ZNF774: variants seen among roughly 807,000 people sequenced by gnomAD.
ZNF774 encodes the protein zinc finger protein 774.
A neutral mutation model predicts 11.1 loss-of-function variants in ZNF774; 14 were observed. The ratio of observed to expected loss-of-function variants is 1.26; its 90% CI spans 0.83 to 1.97. ZNF774 has a LOEUF of 1.97. ZNF774 is among the 30% of genes most tolerant of loss of function. The pLI, the probability that ZNF774 is intolerant of heterozygous loss-of-function variation, is 0.00. For missense variants in ZNF774, 599 were observed against 587.0 expected, an observed-to-expected ratio of 1.02 and a Z score of -0.21; for synonymous variants, 195 against 212.6, an observed-to-expected ratio of 0.92 and a Z score of 0.72.
At position 90,361,611 on chromosome 15, in the gene ZNF774, A is replaced by G; in HGVS notation, c.*328A>G. 1 of 840,304 alleles carries G rather than the reference A, an allele frequency of 1.2e-6. No homozygotes were observed. The highest frequency in any genetic ancestry group is 4.4e-5 in the South Asian group (1 of 22,534). 52.1% of individuals were successfully genotyped at this position (840,304 alleles called of 1,614,324 possible). ...GTGGATCACTTGAGGTCAGGAGTTG[A>G]GACCAGCCTGGTGAGCATGGTGAAA... is the stretch of plus-strand genomic sequence containing the variant. On this transcript the variant is annotated 3_prime_UTR_variant, in exon 4 of 4. Transcript: ENST00000354377.
chr15:90,362,741 C>A lies in ZNF774; in HGVS notation c.*1458C>A. 13 of 560,382 alleles carry A rather than the reference C, an allele frequency of 2.3e-5. No individual in the cohort carries two copies. Among genetic ancestry groups the A allele is most frequent in the Non-Finnish European group, 3.2e-5 (10 of 317,278 alleles). The allele number at this position is 560,382 out of a possible 1,614,324, so 34.7% of individuals were successfully genotyped here. A position where few individuals can be genotyped will look rare whatever the true frequency, so the allele number is the denominator to read the frequency against. ...TACCTCACAAGGTTGTTGTGAGGAT[C>A]TAAAAATACACACACACACACACAC... On this transcript the variant is annotated 3_prime_UTR_variant, in exon 4 of 4. Transcript: ENST00000354377.
In ZNF774 at chr15:90,360,088, C is replaced by T. The variant is rs116083162; in HGVS notation, c.257C>T (p.Thr86Ile). 340 of 1,613,988 alleles carry T rather than the reference C, an allele frequency of 2.1e-4. 4 individuals are homozygous for T. The African/African-American group carries it at 4.1e-3, about 19-fold the overall frequency. ...AAGCTCAATCAGGACAATTCTGAAA[C>T]AGCAGAACAATGTGGAACATCCTCA... ...VAKLNQDNSE[T>I]AEQCGTSSER... Residue 86 changes from threonine (T) to isoleucine (I), a missense_variant, in exon 4 of 4, where the codon ACA (threonine) becomes ATA (isoleucine). Physicochemically the swap from Thr to Ile is moderately conservative, Grantham distance 89 (BLOSUM62 -1). Coordinates refer to ENST00000354377, the MANE Select transcript of ZNF774 (RefSeq NM_001004309.3).
Position 90,359,347 on chromosome 15 carries a change from C to T in ZNF774, c.211+390C>T, listed in dbSNP as rs57614591. On this transcript the variant is annotated intron_variant, in intron 3 of 3. Coordinates refer to ENST00000354377, the MANE Select transcript of ZNF774 (RefSeq NM_001004309.3). Reference sequence around the variant, plus strand: ...TCGGCCTCCCAAAGTGCTGGGATTACAGGCGTGAGCCACCGCGCCCGGCCA... The same window carrying T: ...TCGGCCTCCCAAAGTGCTGGGATTATAGGCGTGAGCCACCGCGCCCGGCCA... 5.0e-3 allele frequency among the ~76,000 whole-genome samples: 755 copies of T among 151,654 alleles called. 9 individuals are homozygous for T. The highest frequency in any genetic ancestry group is 0.018 in the African/African-American group (734 of 41,310).
chr15:90,362,726 G>A lies in ZNF774; in HGVS notation c.*1443G>A. 1 of 631,596 alleles carries A rather than the reference G, an allele frequency of 1.6e-6. No individual in the cohort carries two copies. Among genetic ancestry groups the A allele is most frequent in the Non-Finnish European group, 2.8e-6 (1 of 357,188 alleles). The allele number at this position is 631,596 out of a possible 1,614,324, so 39.1% of individuals were successfully genotyped here. On this transcript the variant is annotated 3_prime_UTR_variant, in exon 4 of 4. Transcript: ENST00000354377. Reference sequence around the variant, plus strand: ...GCCTCAAGTTTTACCTACCTCACAAGGTTGTTGTGAGGATCTAAAAATACA... The same window carrying A: ...GCCTCAAGTTTTACCTACCTCACAAAGTTGTTGTGAGGATCTAAAAATACA...
chr15:90,357,143 T>G (rs1964259768), intron 2 of ZNF774, among the ~76,000 whole-genome samples: 1 of 152,228 alleles, frequency 6.6e-6, no homozygotes, highest in African/African-American at 2.4e-5. Context: ...TCAATTGATT[T>G]ATTCCCACAA....
rs370766220 is a variant in ZNF774, at chr15:90,361,013, A to T, written c.1182A>T (p.Gln394His). The T allele has an allele frequency of 1.9e-6, 3 of 1,614,008 alleles. No individual in the cohort carries two copies. The highest frequency in any genetic ancestry group is 1.1e-5 in the South Asian group (1 of 91,080). Residue 394 changes from glutamine (Q) to histidine (H), a missense_variant, in exon 4 of 4, where the codon CAA becomes CAT. Transcript: ENST00000354377. ...ACAGCTCCGCCCTCATTAAGCACCAACGAATCCACACCGGAGAAAGACCCT... is the reference window on the plus strand; with the variant it reads ...ACAGCTCCGCCCTCATTAAGCACCATCGAATCCACACCGGAGAAAGACCCT... ...FADSSALIKH[Q>H]RIHTGERPYK...
At chr15:90,354,155 T>C (rs1452198062) in intron 1 of ZNF774, among the ~76,000 whole-genome samples, 2 of 151,238 alleles carry the variant, frequency 1.3e-5, no homozygotes, top group Non-Finnish European at 3.0e-5. Context: ...ACAGTTCCCT[T>C]TGGGGTTCTG....
chr15:90,355,857 C>T (rs538430413), intron 2 of ZNF774, among the ~76,000 whole-genome samples: 69 of 151,148 alleles, frequency 4.6e-4, no homozygotes, highest in African/African-American at 1.6e-3. Context: ...GGTGAAACCC[C>T]GTCTTACTAA....
In ZNF774 at chr15:90,361,225, A is replaced by G. The variant is rs1455516852; in HGVS notation, c.1394A>G (p.Asn465Ser). Reference protein sequence around the residue: ...GEKPFHCSKCNKSFRQKAHLL... With the variant: ...GEKPFHCSKCSKSFRQKAHLL... ...AAACCTTTCCACTGTAGTAAATGTA[A>G]CAAGAGCTTCCGTCAGAAAGCGCAT... The change falls in exon 4 of 4, where the codon AAC (asparagine) becomes AGC (serine). Residue 465 changes from asparagine (N) to serine (S), a missense_variant. Physicochemically the swap from Asn to Ser is conservative, Grantham distance 46 (BLOSUM62 1). Transcript: ENST00000354377. 8 of 1,612,028 alleles carry G rather than the reference A, an allele frequency of 5.0e-6. No homozygotes were observed. The highest frequency in any genetic ancestry group is 6.8e-6 in the Non-Finnish European group (8 of 1,179,168).
At chr15:90,356,779 G>A (rs1184606848) in intron 2 of ZNF774, among the ~76,000 whole-genome samples, 1 of 152,002 alleles carries the variant, frequency 6.6e-6, no homozygotes, top group Non-Finnish European at 1.5e-5. Context: ...ATATTATTTT[G>A]TTGATGAAGT....
intron 1 of ZNF774, among the ~76,000 whole-genome samples, chr15:90,352,973 C>CT (rs11431247): frequency 0.27 from 39,382 of 146,466 alleles, 5,762 homozygotes; most frequent in African/African-American, 0.41. Context: ...ACTCAAAACT[C>CT]TTTTTTTTTT....
At chr15:90,357,772 A>G (rs1270162635) in intron 2 of ZNF774, among the ~76,000 whole-genome samples, 2 of 152,126 alleles carry the variant, frequency 1.3e-5, no homozygotes, top group Non-Finnish European at 2.9e-5. Context: ...GGATTTCTCC[A>G]TGTTGGACAG....
chr15:90,360,989 C>A lies in ZNF774; in HGVS notation c.1158C>A (p.Asp386Glu). The change falls in exon 4 of 4, where the codon GAC becomes GAA. Residue 386 changes from aspartate to glutamate, a missense_variant. Asp to Glu is a conservative substitution (Grantham distance 45). Transcript: ENST00000354377. ...KCENCGKGFA[D>E]SSALIKHQRI... ...AAAACTGTGGGAAAGGATTCGCCGA[C>A]AGCTCCGCCCTCATTAAGCACCAAC... 6.2e-7 allele frequency: 1 copy of A among 1,614,120 alleles called. No homozygotes were observed. The highest frequency in any genetic ancestry group is 8.5e-7 in the Non-Finnish European group (1 of 1,180,020).
Position 90,360,683 on chromosome 15 carries a change from C to T in ZNF774, c.852C>T (p.Thr284=). The T allele has an allele frequency of 6.2e-7, 1 of 1,614,170 alleles. No individual in the cohort carries two copies. The highest frequency in any genetic ancestry group is 1.7e-4 in the Middle Eastern group (1 of 6,060). The change falls in exon 4 of 4, where the codon ACC becomes ACT. Residue 284 remains threonine, a synonymous_variant. Coordinates refer to ENST00000354377, the MANE Select transcript of ZNF774 (RefSeq NM_001004309.3). ...RSSNFITHQR[T]HTGVKPYRCN... is the part of the protein sequence containing the mutation. ...CAAATTTCATCACTCACCAGAGGACCCACACAGGGGTGAAGCCTTACAGGT... is the reference window on the plus strand; with the variant it reads ...CAAATTTCATCACTCACCAGAGGACTCACACAGGGGTGAAGCCTTACAGGT...
At chr15:90,359,603 C>T (rs1014321420) in intron 3 of ZNF774, among the ~76,000 whole-genome samples, 5 of 151,966 alleles carry the variant, frequency 3.3e-5, no homozygotes, top group Non-Finnish European at 5.9e-5. Context: ...TATAGGCACC[C>T]GCCACCACGC....
Position 90,360,479 on chromosome 15 carries a change from C to G in ZNF774, c.648C>G (p.Phe216Leu), listed in dbSNP as rs1424609751. Residue 216 changes from phenylalanine to leucine, a missense_variant, in exon 4 of 4, where the codon TTC (phenylalanine) becomes TTG (leucine). Transcript: ENST00000354377. ...PYQCKGCEKK[F>L]SDSSTLIKHQ... The stretch of plus-strand genomic sequence containing the variant: ...AATGCAAGGGGTGTGAGAAGAAATT[C>G]AGCGACAGCTCAACACTCATCAAAC... The G allele has an allele frequency of 6.2e-7, 1 of 1,613,714 alleles. No homozygotes were observed. The highest frequency in any genetic ancestry group is 8.5e-7 in the Non-Finnish European group (1 of 1,180,032).
chr15:90,355,757 G>A (rs1404476104), intron 2 of ZNF774, among the ~76,000 whole-genome samples: 31 of 145,080 alleles, frequency 2.1e-4, no homozygotes, highest in Non-Finnish European at 3.9e-4. Context: ...AAGGCTGGGC[G>A]CGGTGGCTCA....
At position 90,361,115 on chromosome 15, in the gene ZNF774, C is replaced by CA; in HGVS notation, c.1285dup (p.Arg429LysfsTer7). ...CCCATCAGCGAATCCACTTAGGAGA[C>CA]AGGCCCTATCGATGTCCTGAGTGTG... On this transcript the variant is annotated frameshift_variant, in exon 4 of 4. Coordinates refer to ENST00000354377, the MANE Select transcript of ZNF774 (RefSeq NM_001004309.3). LOFTEE classifies it low-confidence loss of function (END_TRUNC). 6.2e-7 allele frequency: 1 copy of CA among 1,614,196 alleles called. No homozygotes were observed. The highest frequency in any genetic ancestry group is 8.5e-7 in the Non-Finnish European group (1 of 1,180,030).
Position 90,361,032 on chromosome 15 carries a change from A to G in ZNF774, c.1201A>G (p.Arg401Gly). Residue 401 changes from arginine (R) to glycine (G), a missense_variant, in exon 4 of 4, where the codon AGA becomes GGA. Physicochemically the swap from Arg to Gly is moderately radical, Grantham distance 125. Coordinates refer to ENST00000354377, the MANE Select transcript of ZNF774 (RefSeq NM_001004309.3). ...GCACCAACGAATCCACACCGGAGAA[A>G]GACCCTACAAATGTGGAGAGTGTGG... ...IKHQRIHTGE[R>G]PYKCGECGKS... 1.2e-6 allele frequency: 2 copies of G among 1,614,186 alleles called. No individual in the cohort carries two copies. The highest frequency in any genetic ancestry group is 1.7e-6 in the Non-Finnish European group (2 of 1,180,034).
Sources: gnomAD v4.1 joint callset for allele counts (sites outside exome capture counted in the v4.1 genomes callset) on GRCh38, gnomAD v4.1.1 for gene constraint, MANE v1.5 for transcripts, NCBI Gene and HGNC (gene_info 2026-07-23, HGNC 2026-07-21) for gene names.